Variants in NDUFA11 observed in about 807,000 individuals in gnomAD.
The protein encoded by NDUFA11 is NADH:ubiquinone oxidoreductase subunit A11.
A neutral mutation model predicts 11.3 loss-of-function variants in NDUFA11; 14 were observed. The ratio of observed to expected loss-of-function variants is 1.24; its 90% CI spans 0.82 to 1.94. NDUFA11 has a LOEUF of 1.94. Among genes scored for constraint, NDUFA11 ranks in the 30% most tolerant of loss-of-function variants. The probability of loss-of-function intolerance (pLI) is 0.00; values close to 1 mark genes in which losing one functional copy is unlikely to be tolerated. For missense variants in NDUFA11, 204 were observed against 200.3 expected (o/e 1.02, Z -0.11); for synonymous variants, 87 against 85.6 (o/e 1.02, Z -0.09).
chr19:5,900,809 T>C (rs2057640108), intron 1 of NDUFA11, among the ~76,000 whole-genome samples: 2 of 151,176 alleles, frequency 1.3e-5, no homozygotes, highest in Admixed American at 1.3e-4. Context: ...TCCCAGCTAC[T>C]TGGGAGGCTG....
intron 1 of NDUFA11, chr19:5,901,547 C>T (rs906320581): frequency 5.5e-6 from 6 of 1,099,774 alleles, no homozygotes; most frequent in Non-Finnish European, 7.2e-6. Context: ...AATTCAAATG[C>T]CTCCCAATGG....
At chr19:5,899,084 TC>T (rs921985050) in intron 1 of NDUFA11, among the ~76,000 whole-genome samples, 3 of 142,810 alleles carry the variant, frequency 2.1e-5, no homozygotes, top group African/African-American at 8.0e-5. Context: ...CACACACACA[TC>T]CCCCCCTTCC....
Position 5,896,883 on chromosome 19 carries a change from A to G in NDUFA11, c.190+22T>C. ...GGCTGTGCCAGGAGAGGGCCCAGCC[A>G]TGCCCAGCCCAGCGTGCTCACCTGC... On this transcript the variant is annotated intron_variant, in intron 2 of 3. Transcript: ENST00000308961. The surrounding 1 kb of genome is among the most constrained non-coding windows in gnomAD (Gnocchi z 5.8). 5 of 1,597,254 alleles carry G rather than the reference A, an allele frequency of 3.1e-6. No individual in the cohort carries two copies. The highest frequency in any genetic ancestry group is 2.6e-6 in the Non-Finnish European group (3 of 1,164,956).
At position 5,896,868 on chromosome 19, in the gene NDUFA11, GGA is replaced by G. The variant is rs2057613086; in HGVS notation, c.190+35_190+36del. The stretch of plus-strand genomic sequence containing the variant: ...TGCTCTGAGAGCTGGGGCTGTGCCA[GGA>G]GAGGGCCCAGCCATGCCCAGCCCAG... On this transcript the variant is annotated intron_variant, in intron 2 of 3. Transcript: ENST00000308961. This position sits in a 1 kb window ranked among gnomAD's most constrained non-coding sequence, Gnocchi z 5.8. 2 of 1,542,050 alleles carry G rather than the reference GGA, an allele frequency of 1.3e-6. No homozygotes were observed. Among genetic ancestry groups the G allele is most frequent in the Non-Finnish European group, 1.8e-6 (2 of 1,115,032 alleles).
intron 1 of NDUFA11, among the ~76,000 whole-genome samples, chr19:5,899,219 G>C (rs62106028): frequency 1.3e-5 from 2 of 149,282 alleles, no homozygotes; most frequent in Non-Finnish European, 3.0e-5. Flanking sequence ...GCGCTATCTC[G>C]GCTCACTGCA....
At chr19:5,894,885 G>A (rs758176339) in intron 3 of NDUFA11, 31 bp from the exon 4 acceptor site, 36 of 1,569,950 alleles carry the variant, frequency 2.3e-5, no homozygotes, top group Middle Eastern at 1.8e-4. Flanking sequence ...TGTCAGGCCC[G>A]GGTGGGGCTC....
Position 5,900,804 on chromosome 19 carries a change from G to A in NDUFA11, c.97+2808C>T, listed in dbSNP as rs2144958955. ...ACGGTGGCAGGCACCTGTAATCCCA[G>A]CTACTTGGGAGGCTGAGACACAAGA... is the stretch of plus-strand genomic sequence containing the variant. On this transcript the variant is annotated intron_variant, in intron 1 of 3. Transcript: ENST00000308961. Among the ~76,000 whole-genome samples, 6 of 151,692 alleles carry A rather than the reference G, an allele frequency of 4.0e-5. No homozygotes were observed. In the East Asian group the frequency reaches 1.2e-3, roughly 29 times the overall value.
intron 1 of NDUFA11, among the ~76,000 whole-genome samples, chr19:5,899,451 C>CTTTTTTTTT (rs71172780): frequency 2.9e-5 from 2 of 68,836 alleles, no homozygotes; most frequent in Non-Finnish European, 5.3e-5. Flanking sequence ...CGCCCGGACT[C>CTTTTTTTTT]TTTTTTTTTT....
intron 1 of NDUFA11, among the ~76,000 whole-genome samples, chr19:5,897,665 C>T (rs894242455): frequency 6.6e-6 from 1 of 152,368 alleles, no homozygotes; most frequent in South Asian, 2.1e-4. Context: ...GCTTTTCCAT[C>T]TCTGCCATTT....
downstream of NDUFA11, chr19:5,891,656 T>C (rs2057579041): frequency 6.6e-6 from 1 of 152,454 alleles, no homozygotes; most frequent in African/African-American, 2.4e-5. Context: ...GCACCTCTCC[T>C]GGACCAGGAG....
chr19:5,894,917 G>A (rs778700043), intron 3 of NDUFA11, 63 bp from the exon 4 acceptor site: 238 of 1,514,172 alleles, frequency 1.6e-4, no homozygotes, highest in African/African-American at 3.0e-4. Context: ...GACGCTCCAC[G>A]CCCTGGCCGG....
downstream of NDUFA11, chr19:5,892,269 A>C (rs1379450737): frequency 6.5e-6 from 1 of 153,156 alleles, no homozygotes; most frequent in Non-Finnish European, 1.5e-5. Context: ...CGGCCTTTAA[A>C]TTTCAAGCTC....
rs1207742231 is a variant in NDUFA11 at position 5,896,083 on chromosome 19, G to C, written c.313+370C>G. 1 of 451,794 alleles carries C rather than the reference G, an allele frequency of 2.2e-6. No individual in the cohort carries two copies. The highest frequency in any genetic ancestry group is 3.9e-6 in the Non-Finnish European group (1 of 255,016). The allele number at this position is 451,794 out of a possible 1,614,324, so 28.0% of individuals were successfully genotyped here. On this transcript the variant is annotated intron_variant, in intron 3 of 3. Coordinates refer to ENST00000308961, the MANE Select transcript of NDUFA11 (RefSeq NM_175614.5). This position sits in a 1 kb window ranked among gnomAD's most constrained non-coding sequence, Gnocchi z 5.8. ...AAGGAAGGCGGCACAGAGCGAGGGCGGCGGGGATGCTGGCTTGTACACAGG... is the reference window on the plus strand; with the variant it reads ...AAGGAAGGCGGCACAGAGCGAGGGCCGCGGGGATGCTGGCTTGTACACAGG...
At chr19:5,898,935 G>C (rs976967654) in intron 1 of NDUFA11, among the ~76,000 whole-genome samples, 2 of 151,348 alleles carry the variant, frequency 1.3e-5, no homozygotes, top group African/African-American at 4.9e-5. Flanking sequence ...AGGTCTGGGG[G>C]CTGTGGCAGG....
At chr19:5,902,142 A>ATT (rs1228814033) in intron 1 of NDUFA11, among the ~76,000 whole-genome samples, 1 of 131,812 alleles carries the variant, frequency 7.6e-6, no homozygotes, top group Non-Finnish European at 1.6e-5. Context: ...TGCCTGGCTG[A>ATT]TTTTTTGTAT....
At position 5,896,989 on chromosome 19, in the gene NDUFA11, C is replaced by T. The variant is rs564091469; in HGVS notation, c.106G>A (p.Ala36Thr). ...TTGAGTGTGACTCTGTAGGCAGCGG[C>T]GGTCAGGCCTGCGAGACAGAGGAGG... is the stretch of plus-strand genomic sequence containing the variant. ...TSIASVAGLT[A>T]AAYRVTLNPP... is the part of the protein sequence containing the mutation. The change falls in exon 2 of 4, where the codon GCC becomes ACC. Residue 36 changes from alanine to threonine, a missense_variant. By Grantham distance (58) the Ala-to-Thr change is moderately conservative. Coordinates refer to ENST00000308961, the MANE Select transcript of NDUFA11 (RefSeq NM_175614.5). This position sits in a 1 kb window ranked among gnomAD's most constrained non-coding sequence, Gnocchi z 5.8. 4.0e-5 allele frequency: 64 copies of T among 1,613,794 alleles called. No homozygotes were observed. The highest frequency in any genetic ancestry group is 5.3e-5 in the African/African-American group (4 of 74,896).
At chr19:5,894,904 C>G (rs747716189) in intron 3 of NDUFA11, 50 bp from the exon 4 acceptor site, 2 of 1,537,318 alleles carry the variant, frequency 1.3e-6, no homozygotes, top group Non-Finnish European at 8.8e-7. Flanking sequence ...TCGGCCGGAC[C>G]AAGACGCTCC....
At position 5,903,771 on chromosome 19, in the gene NDUFA11, G is replaced by T. The variant is rs1412856229; in HGVS notation, c.-63C>A. 7.9e-6 allele frequency: 12 copies of T among 1,512,116 alleles called. No individual in the cohort carries two copies. Among genetic ancestry groups the T allele is most frequent in the Non-Finnish European group, 1.8e-6 (2 of 1,111,802 alleles). 93.7% of individuals were successfully genotyped at this position (1,512,116 alleles called of 1,614,324 possible). A position where few individuals can be genotyped will look rare whatever the true frequency, so the allele number is the denominator to read the frequency against. Reference sequence around the variant, plus strand: ...GCTCGGGAAGCGCAAGGGCAGCCGCGGCTGGCTATCGCGAGACTTCTCGGG... The same window carrying T: ...GCTCGGGAAGCGCAAGGGCAGCCGCTGCTGGCTATCGCGAGACTTCTCGGG... On this transcript the variant is annotated 5_prime_UTR_variant, in exon 1 of 4. Coordinates refer to ENST00000308961, the MANE Select transcript of NDUFA11 (RefSeq NM_175614.5).
In NDUFA11 at chr19:5,896,588, C is replaced by T. The variant is rs371542591; in HGVS notation, c.191-13G>A. 37 of 1,561,088 alleles carry T rather than the reference C, an allele frequency of 2.4e-5. No individual in the cohort carries two copies. The highest frequency in any genetic ancestry group is 4.7e-5 in the South Asian group (4 of 84,802). On this transcript the variant is annotated splice_polypyrimidine_tract_variant and intron_variant, in intron 2 of 3. Transcript: ENST00000308961. The surrounding 1 kb of genome is among the most constrained non-coding windows in gnomAD (Gnocchi z 5.8). ...GCCCCGACAGCAGCTGCGGGGTAGA[C>T]GGGAAGAGCAAGGGCCTCGAGACGG...
Sources: allele counts gnomAD v4.1 joint callset (sites outside exome capture counted in the v4.1 genomes callset), GRCh38; gene constraint gnomAD v4.1.1; non-coding constraint Gnocchi (gnomAD v3.1); transcripts MANE v1.5; gene names NCBI Gene and HGNC (gene_info 2026-07-23, HGNC 2026-07-21).